Variants in NEDD4L observed in about 807,000 individuals in gnomAD.
NEDD4L encodes E3 ubiquitin-protein ligase NEDD4-like.
Under a neutral mutation model 148.9 loss-of-function variants are expected in NEDD4L, and 54 were observed. The observed-to-expected ratio is 0.36, with a 90% CI of 0.29 to 0.45. The LOEUF (loss-of-function observed/expected upper bound fraction) is 0.45, where lower values mean the gene tolerates loss of function less well. NEDD4L is among the 20% of genes least tolerant of loss of function. NEDD4L has a pLI of 1.00. For missense variants in NEDD4L, 856 were observed against 1,233.8 expected (o/e 0.69, Z 4.59); for synonymous variants, 433 against 440.7 (o/e 0.98, Z 0.22).
intron 1 of NEDD4L, among the ~76,000 whole-genome samples, chr18:58,126,516 T>A (rs1598960039): frequency 6.6e-6 from 1 of 152,250 alleles, no homozygotes; most frequent in Non-Finnish European, 1.5e-5. Context: ...TACCACCTGT[T>A]TTTTTAAAAA....
intron 17 of NEDD4L, among the ~76,000 whole-genome samples, chr18:58,350,130 C>T (rs1350371933): frequency 1.3e-5 from 2 of 152,090 alleles, no homozygotes; most frequent in African/African-American, 2.4e-5. Flanking sequence ...TGAATGAAAC[C>T]TTCACATACA....
intron 2 of NEDD4L, among the ~76,000 whole-genome samples, chr18:58,234,341 T>C (rs1600057290): frequency 9.5e-6 from 1 of 104,772 alleles, no homozygotes; most frequent in Non-Finnish European, 1.8e-5. Context: ...CCTCCCTCCC[T>C]CCTTCCCTCC....
chr18:58,193,442 T>C (rs564041942), intron 2 of NEDD4L, among the ~76,000 whole-genome samples: 1 of 152,366 alleles, frequency 6.6e-6, no homozygotes, highest in African/African-American at 2.4e-5. Flanking sequence ...GTGGCACAGC[T>C]GGTCACCCAG....
chr18:58,257,703 A>G (rs1568493581), intron 5 of NEDD4L, among the ~76,000 whole-genome samples: 1 of 152,222 alleles, frequency 6.6e-6, no homozygotes, highest in African/African-American at 2.4e-5. Flanking sequence ...TGCACGCTCC[A>G]TCGACCAGGC....
chr18:58,249,848 G>A (rs965647779), intron 4 of NEDD4L, among the ~76,000 whole-genome samples: 4 of 152,188 alleles, frequency 2.6e-5, no homozygotes, highest in Non-Finnish European at 4.4e-5. Flanking sequence ...CTGAAATATG[G>A]CACTGATACT....
At chr18:58,166,023 G>A (rs2036807655) in intron 2 of NEDD4L, among the ~76,000 whole-genome samples, 162 bp downstream of exon 2, 1 of 152,208 alleles carries the variant, frequency 6.6e-6, no homozygotes. Flanking sequence ...GGCCCAGCTG[G>A]TTCCAGGAGC....
At position 58,268,302 on chromosome 18, in the gene NEDD4L, A is replaced by G. The variant is rs552145147; in HGVS notation, c.297+16248A>G. ...GTGTAGATGAAACCTCCTAGGTAGC[A>G]GCCCTCACAGAGAAGGCAGATGTTT... On this transcript the variant is annotated intron_variant, in intron 5 of 30. Coordinates refer to ENST00000400345, the MANE Select transcript of NEDD4L (RefSeq NM_001144967.3). 1.9e-3 allele frequency among the ~76,000 whole-genome samples: 287 copies of G among 151,930 alleles called. 4 individuals are homozygous for G. Among genetic ancestry groups the G allele is most frequent in the Non-Finnish European group, 3.3e-3 (221 of 67,872 alleles).
chr18:58,259,227 A>G (rs781723811), intron 5 of NEDD4L, among the ~76,000 whole-genome samples: 2 of 152,252 alleles, frequency 1.3e-5, no homozygotes, highest in Non-Finnish European at 2.9e-5. Flanking sequence ...AATGTTAACC[A>G]ACTAAATTAT....
chr18:58,087,659 G>A (rs2083831170), intron 1 of NEDD4L, among the ~76,000 whole-genome samples: 1 of 152,120 alleles, frequency 6.6e-6, no homozygotes, highest in African/African-American at 2.4e-5. Context: ...CGGATCACCT[G>A]AGGTTGGGAG....
intron 1 of NEDD4L, among the ~76,000 whole-genome samples, chr18:58,103,028 C>T (rs2145523672): frequency 6.6e-6 from 1 of 151,960 alleles, no homozygotes. Flanking sequence ...TCTGTGCTGG[C>T]TTATCATGAC....
intron 1 of NEDD4L, among the ~76,000 whole-genome samples, chr18:58,096,347 A>ATTTTATTTTATTTTAT (rs764818089): frequency 4.3e-5 from 5 of 116,256 alleles, no homozygotes; most frequent in Non-Finnish European, 8.7e-5. Context: ...ATTTTATTTT[A>ATTTTATTTTATTTTAT]TTTATTTTAT....
At chr18:58,333,294 AAGC>A (rs1469178714) in intron 11 of NEDD4L, among the ~76,000 whole-genome samples, 3 of 151,952 alleles carry the variant, frequency 2.0e-5, no homozygotes, top group Non-Finnish European at 4.4e-5. Context: ...AAAAAAAAAA[AAGC>A]AGCTAAAATT....
intron 1 of NEDD4L, among the ~76,000 whole-genome samples, chr18:58,143,536 A>G (rs1259328869): frequency 2.0e-5 from 3 of 152,344 alleles, no homozygotes; most frequent in South Asian, 4.1e-4. Context: ...TTGCAAACCC[A>G]GTGCCAGTAA....
intron 26 of NEDD4L, among the ~76,000 whole-genome samples, chr18:58,386,568 A>G (rs1176021365): frequency 6.6e-6 from 1 of 152,222 alleles, no homozygotes; most frequent in Admixed American, 6.5e-5. Context: ...GGCCCCTAGC[A>G]GTGGGTGAGG....
In NEDD4L at chr18:58,168,073, G is replaced by A. The variant is rs567245768; in HGVS notation, c.122+2212G>A. Among the ~76,000 whole-genome samples, 3 of 152,280 alleles carry A rather than the reference G, an allele frequency of 2.0e-5. No individual in the cohort carries two copies. The South Asian group carries it at 6.2e-4, about 32-fold the overall frequency. On this transcript the variant is annotated intron_variant, in intron 2 of 30. Coordinates refer to ENST00000400345, the MANE Select transcript of NEDD4L (RefSeq NM_001144967.3). ...TAATAACAGGCAGGGTCATTTCTAA[G>A]GGACATGGTGGAAAGGAATATTCGT...
chr18:58,301,540 C>T (rs191380936), intron 5 of NEDD4L, among the ~76,000 whole-genome samples: 186 of 152,278 alleles, frequency 1.2e-3, no homozygotes, highest in Middle Eastern at 6.8e-3. Context: ...TAGTTTTGTG[C>T]ATATCTTCAT....
At chr18:58,072,865 C>CGT (rs989211818) in intron 1 of NEDD4L, among the ~76,000 whole-genome samples, 3 of 118,656 alleles carry the variant, frequency 2.5e-5, no homozygotes, top group African/African-American at 7.9e-5. Flanking sequence ...AAGGCGCGCG[C>CGT]GCGCGCGCAC....
chr18:58,351,762 T>C (rs942935835), intron 18 of NEDD4L, among the ~76,000 whole-genome samples: 2 of 152,186 alleles, frequency 1.3e-5, no homozygotes, highest in South Asian at 4.1e-4. Flanking sequence ...AGCCTTCAAA[T>C]AGATGTAAAG....
At chr18:58,150,520 C>T (rs1249160453) in intron 1 of NEDD4L, among the ~76,000 whole-genome samples, 1 of 152,196 alleles carries the variant, frequency 6.6e-6, no homozygotes, top group Admixed American at 6.5e-5. Flanking sequence ...GCCACTGCAC[C>T]CGGCCGTTTT....
Sources: allele counts gnomAD v4.1 joint callset (sites outside exome capture counted in the v4.1 genomes callset), GRCh38; gene constraint gnomAD v4.1.1; transcripts MANE v1.5; gene names NCBI Gene and HGNC (gene_info 2026-07-23, HGNC 2026-07-21).